Variants in PAK5 observed in about 807,000 individuals in gnomAD.
PAK5 encodes the protein serine/threonine-protein kinase PAK 5.
A neutral mutation model predicts 65.9 loss-of-function variants in PAK5; 16 were observed. That is an observed-to-expected ratio of 0.24 (90% CI 0.16 to 0.37). The LOEUF is 0.37. PAK5 is among the 10% of genes least tolerant of loss of function. PAK5 has a pLI of 1.00. For synonymous variants in PAK5, 371 were observed against 354.9 expected (o/e 1.05, Z -0.51); for missense variants, 785 against 903.9 (o/e 0.87, Z 1.69).
intron 3 of PAK5, among the ~76,000 whole-genome samples, chr20:9,613,068 C>A (rs1488578721): frequency 6.6e-6 from 1 of 152,154 alleles, no homozygotes; most frequent in African/African-American, 2.4e-5. Context: ...AACTACTCTG[C>A]CACAGCACAG....
Position 9,566,159 on chromosome 20 carries a change from G to A in PAK5, c.1216C>T (p.Leu406Phe), listed in dbSNP as rs868410388. The A allele has an allele frequency of 1.2e-6, 2 of 1,613,984 alleles. No individual in the cohort carries two copies. The highest frequency in any genetic ancestry group is 1.7e-6 in the Non-Finnish European group (2 of 1,179,984). ...STASYLSSLS[L>F]SSSTYPPPSW... is the part of the protein sequence containing the mutation. Reference sequence around the variant, plus strand: ...GGCGGCGGGTAGGTGCTGGATGAGAGGCTGAGGGAGCTCAGGTAGGAAGCC... The same window carrying A: ...GGCGGCGGGTAGGTGCTGGATGAGAAGCTGAGGGAGCTCAGGTAGGAAGCC... The change falls in exon 5 of 10, where the codon CTC becomes TTC. Residue 406 changes from leucine (L) to phenylalanine (F), a missense_variant. This residue lies in a region of PAK5 where 422 missense variants were observed against 413.3 expected (regional missense o/e 1.02). Coordinates refer to ENST00000353224, the MANE Select transcript of PAK5 (RefSeq NM_177990.4).
At chr20:9,698,523 T>C (rs2047898492) in intron 2 of PAK5, among the ~76,000 whole-genome samples, 1 of 152,196 alleles carries the variant, frequency 6.6e-6, no homozygotes. Flanking sequence ...GCACTTCATC[T>C]AAGGAATGTT....
At chr20:9,795,378 AT>A (rs36076156) in intron 1 of PAK5, among the ~76,000 whole-genome samples, 2,454 of 152,238 alleles carry the variant, frequency 0.016, 31 homozygotes, top group Non-Finnish European at 0.026. Context: ...CCATGTAAAT[AT>A]TTAAATGTCT....
chr20:9,565,864 A>T (rs2122990962), intron 5 of PAK5, 29 bp downstream of exon 5: 1 of 1,579,084 alleles, frequency 6.3e-7, no homozygotes, highest in African/African-American at 1.4e-5. Flanking sequence ...TACAAAGGAG[A>T]GAAAGGATGA....
intron 1 of PAK5, among the ~76,000 whole-genome samples, chr20:9,830,073 G>A (rs1055040882): frequency 2.0e-5 from 3 of 152,202 alleles, no homozygotes; most frequent in Admixed American, 2.0e-4. Flanking sequence ...CTCAGAAGGA[G>A]GCAAAGAGCT....
At chr20:9,710,672 G>A (rs1343202917) in intron 2 of PAK5, among the ~76,000 whole-genome samples, 1 of 151,674 alleles carries the variant, frequency 6.6e-6, no homozygotes, top group Non-Finnish European at 1.5e-5. Context: ...CTATAATAAA[G>A]AAGAATGGCC....
At chr20:9,571,018 A>C (rs918966351) in intron 4 of PAK5, among the ~76,000 whole-genome samples, 1 of 152,214 alleles carries the variant, frequency 6.6e-6, no homozygotes, top group African/African-American at 2.4e-5. Flanking sequence ...ATAGGCCATG[A>C]GACAAAAAGG....
intron 9 of PAK5, 49 bp from the exon 10 acceptor site, chr20:9,539,666 C>A (rs1369481424): frequency 2.0e-6 from 3 of 1,497,688 alleles, no homozygotes; most frequent in East Asian, 4.5e-5. Flanking sequence ...AGACACCTAA[C>A]CCAGTCCCCA....
intron 1 of PAK5, among the ~76,000 whole-genome samples, chr20:9,778,983 A>G (rs2048914364): frequency 1.3e-5 from 2 of 152,048 alleles, no homozygotes; most frequent in East Asian, 1.9e-4. Context: ...TTGTTCCTTT[A>G]CTTTTCTAGG....
intron 1 of PAK5, among the ~76,000 whole-genome samples, chr20:9,735,300 G>C (rs762187879): frequency 6.6e-6 from 1 of 152,066 alleles, no homozygotes; most frequent in Non-Finnish European, 1.5e-5. Context: ...AAGTGAGGCA[G>C]GAGTGAAAGG....
At chr20:9,567,712 T>C (rs2045705828) in intron 4 of PAK5, among the ~76,000 whole-genome samples, 1 of 152,216 alleles carries the variant, frequency 6.6e-6, no homozygotes, top group Non-Finnish European at 1.5e-5. Flanking sequence ...TCAAAATGAA[T>C]GATATCTCTG....
intron 1 of PAK5, among the ~76,000 whole-genome samples, chr20:9,825,827 G>T (rs1203988833): frequency 6.6e-6 from 1 of 151,952 alleles, no homozygotes; most frequent in East Asian, 1.9e-4. Context: ...AAATAAGTTG[G>T]TCCATATTTT....
chr20:9,583,354 T>C (rs976930718), intron 3 of PAK5, among the ~76,000 whole-genome samples: 2 of 152,218 alleles, frequency 1.3e-5, no homozygotes, highest in African/African-American at 4.8e-5. Flanking sequence ...GCCTATTCAG[T>C]GCTAGTATAA....
At position 9,580,660 on chromosome 20, in the gene PAK5, A is replaced by G; in HGVS notation, c.475T>C (p.Tyr159His). 6.2e-7 allele frequency: 1 copy of G among 1,614,050 alleles called. No individual in the cohort carries two copies. The highest frequency in any genetic ancestry group is 8.5e-7 in the Non-Finnish European group (1 of 1,180,010). Reference protein sequence around the residue: ...KSLYGDDLDPYYRGSHAAKQN... With the variant: ...KSLYGDDLDPHYRGSHAAKQN... The stretch of plus-strand genomic sequence containing the variant: ...TTGGCTGCGTGGCTGCCTCTATAAT[A>G]CGGATCCAGATCATCTCCATAGAGA... The change falls in exon 4 of 10, where the codon TAT becomes CAT. Residue 159 changes from tyrosine (Y) to histidine (H), a missense_variant. Coordinates refer to ENST00000353224, the MANE Select transcript of PAK5 (RefSeq NM_177990.4).
chr20:9,719,534 T>G (rs556857188), intron 1 of PAK5, among the ~76,000 whole-genome samples: 1 of 152,304 alleles, frequency 6.6e-6, no homozygotes, highest in East Asian at 1.9e-4. Flanking sequence ...CTGCTTTTTT[T>G]TCCCCATTTA....
Position 9,539,323 on chromosome 20 carries a change from A to G in PAK5, c.*139T>C. The G allele has an allele frequency of 1.3e-6, 1 of 768,906 alleles. No individual in the cohort carries two copies. The highest frequency in any genetic ancestry group is 2.2e-6 in the Non-Finnish European group (1 of 458,738). 47.6% of individuals were successfully genotyped at this position (768,906 alleles called of 1,614,324 possible). On this transcript the variant is annotated 3_prime_UTR_variant, in exon 10 of 10. Coordinates refer to ENST00000353224, the MANE Select transcript of PAK5 (RefSeq NM_177990.4). ...ACAAGAAGATGCCCTGGTCTGTTGAACCCTGCCGGTCATCACGCTGTCCCA... is the reference window on the plus strand; with the variant it reads ...ACAAGAAGATGCCCTGGTCTGTTGAGCCCTGCCGGTCATCACGCTGTCCCA...
intron 3 of PAK5, among the ~76,000 whole-genome samples, chr20:9,626,433 A>G (rs1479999213): frequency 6.6e-6 from 1 of 152,198 alleles, no homozygotes; most frequent in African/African-American, 2.4e-5. Flanking sequence ...CTTGTGAGAC[A>G]CCTTCTAAAT....
intron 2 of PAK5, among the ~76,000 whole-genome samples, chr20:9,671,154 G>C (rs1043426005): frequency 6.6e-4 from 100 of 152,226 alleles, no homozygotes; most frequent in African/African-American, 2.2e-3. Flanking sequence ...GGTACCAGTA[G>C]CATGCTGTTT....
chr20:9,613,175 C>T (rs890937093), intron 3 of PAK5, among the ~76,000 whole-genome samples: 4 of 152,288 alleles, frequency 2.6e-5, no homozygotes, highest in African/African-American at 4.8e-5. Flanking sequence ...TCCAGTGACA[C>T]GTAGGAAGCT....
Sources: allele counts gnomAD v4.1 joint callset (sites outside exome capture counted in the v4.1 genomes callset), GRCh38; gene constraint gnomAD v4.1.1; regional missense constraint gnomAD v4.1.1; transcripts MANE v1.5; gene names NCBI Gene and HGNC (gene_info 2026-07-23, HGNC 2026-07-21).